Variants in TPH1 observed in about 807,000 individuals in gnomAD.
TPH1 encodes tryptophan hydroxylase 1.
A neutral mutation model predicts 49.5 loss-of-function variants in TPH1; 37 were observed. That is an observed-to-expected ratio of 0.75 (90% CI 0.58 to 0.98). The LOEUF is 0.98. Among genes scored for constraint, TPH1 ranks in the 50% least tolerant of loss-of-function variants. The pLI is 0.00. For synonymous variants in TPH1, 160 were observed against 182.1 expected (o/e 0.88, Z 0.98); for missense variants, 487 against 523.6 (o/e 0.93, Z 0.68).
chr11:18,036,112 A>G lies in TPH1; in HGVS notation c.148T>C (p.Ser50Pro). Residue 50 changes from serine (S) to proline (P), a missense_variant, in exon 3 of 11, where the codon TCC (serine) becomes CCC (proline). Ser to Pro is a moderately conservative substitution (Grantham distance 74). Transcript: ENST00000682019. ...EKHVNLLHIE[S>P]RKSKRRNSEF... ...GAGTTTCTTCTTTTTGATTTTCGGG[A>G]CTCGATATGTAACAGATTCACATGC... The G allele has an allele frequency of 6.2e-7, 1 of 1,613,256 alleles. No homozygotes were observed. Among genetic ancestry groups the G allele is most frequent in the Non-Finnish European group, 8.5e-7 (1 of 1,179,826 alleles).
At chr11:18,044,529 C>G (rs1247497842) in intron 1 of TPH1, among the ~76,000 whole-genome samples, 2 of 149,784 alleles carry the variant, frequency 1.3e-5, no homozygotes, top group African/African-American at 5.1e-5. Context: ...AAAATTCTCA[C>G]CCTCTTTTTT....
At chr11:18,036,796 A>G (rs987578829) in intron 2 of TPH1, among the ~76,000 whole-genome samples, 2 of 152,236 alleles carry the variant, frequency 1.3e-5, no homozygotes, top group African/African-American at 4.8e-5. Context: ...ATCTAAAACA[A>G]TGAGAAGGTT....
At chr11:18,035,406 T>TCTTG (rs924186294) in intron 3 of TPH1, among the ~76,000 whole-genome samples, 1 of 148,842 alleles carries the variant, frequency 6.7e-6, no homozygotes, top group African/African-American at 2.4e-5. Flanking sequence ...CTTTCTTTTT[T>TCTTG]CTTTCTTTCT....
At chr11:18,033,080 C>A (rs887227348) in intron 4 of TPH1, among the ~76,000 whole-genome samples, 194 bp downstream of exon 4, 2 of 152,016 alleles carry the variant, frequency 1.3e-5, no homozygotes, top group Non-Finnish European at 2.9e-5. Context: ...TGGTGAAACC[C>A]CATCTCTACT....
Position 18,019,677 on chromosome 11 carries a change from A to G in TPH1, c.*1314T>C, listed in dbSNP as rs1040282078. ...TGTATCTGGGTGACATTCCCCATGAAGAGATGGCAAAAAGAGTAGAAGTGC... is the reference window on the plus strand; with the variant it reads ...TGTATCTGGGTGACATTCCCCATGAGGAGATGGCAAAAAGAGTAGAAGTGC... On this transcript the variant is annotated 3_prime_UTR_variant, in exon 11 of 11. Transcript: ENST00000682019. 4.3e-6 allele frequency: 2 copies of G among 462,872 alleles called. No individual in the cohort carries two copies. The highest frequency in any genetic ancestry group is 4.0e-5 in the African/African-American group (2 of 50,444). 28.7% of individuals were successfully genotyped at this position (462,872 alleles called of 1,614,324 possible).
At chr11:18,044,190 G>A (rs779053711) in intron 1 of TPH1, among the ~76,000 whole-genome samples, 21 of 152,160 alleles carry the variant, frequency 1.4e-4, no homozygotes, top group Non-Finnish European at 2.9e-4. Context: ...TTAGGAGGCC[G>A]AGGCGGGCGA....
chr11:18,024,402 AC>A (rs2134025928), intron 8 of TPH1, among the ~76,000 whole-genome samples: 3 of 152,306 alleles, frequency 2.0e-5, no homozygotes, highest in African/African-American at 7.2e-5. Context: ...AATGTTATAA[AC>A]CTTTTTAATG....
At chr11:18,024,297 A>G (rs1854396297) in intron 8 of TPH1, among the ~76,000 whole-genome samples, 1 of 152,252 alleles carries the variant, frequency 6.6e-6, no homozygotes, top group African/African-American at 2.4e-5. Context: ...TCATTTTAAA[A>G]TTTAATAAAC....
intron 2 of TPH1, among the ~76,000 whole-genome samples, chr11:18,037,176 T>G (rs1478060390): frequency 6.6e-6 from 1 of 151,876 alleles, no homozygotes. Context: ...CTGGACCACA[T>G]AGCAAGACCC....
At chr11:18,040,907 C>A in intron 1 of TPH1, 119 bp from the exon 2 acceptor site, 1 of 948,986 alleles carries the variant, frequency 1.1e-6, no homozygotes, top group South Asian at 1.6e-5. Flanking sequence ...TTTATAAAAC[C>A]TGGATATGCA....
At position 18,019,612 on chromosome 11, in the gene TPH1, C is replaced by A. The variant is rs1343735756; in HGVS notation, c.*1379G>T. 4.4e-6 allele frequency: 2 copies of A among 456,472 alleles called. No homozygotes were observed. Among genetic ancestry groups the A allele is most frequent in the South Asian group, 3.1e-5 (2 of 64,428 alleles). The allele number at this position is 456,472 out of a possible 1,614,324, so 28.3% of individuals were successfully genotyped here. ...TTCAAGAAAGATGTCAGGGTTATAA[C>A]TGCAAATAGAGGAGTCATTCAAAAT... is the stretch of plus-strand genomic sequence containing the variant. On this transcript the variant is annotated 3_prime_UTR_variant, in exon 11 of 11. Transcript: ENST00000682019.
Position 18,019,434 on chromosome 11 carries a change from G to T in TPH1, c.*1557C>A. 3.1e-6 allele frequency: 1 copy of T among 325,988 alleles called. No homozygotes were observed. The highest frequency in any genetic ancestry group is 2.6e-5 in the South Asian group (1 of 38,912). 20.2% of individuals were successfully genotyped at this position (325,988 alleles called of 1,614,324 possible). A position where few individuals can be genotyped will look rare whatever the true frequency, so the allele number is the denominator to read the frequency against. ...TGATTCTGAGTTCCTTTATAGACCT[G>T]TTCAATTTGAGATGCTTGGCAGGGC... On this transcript the variant is annotated 3_prime_UTR_variant, in exon 11 of 11. Transcript: ENST00000682019.
At chr11:18,033,157 G>T in intron 4 of TPH1, 117 bp downstream of exon 4, 1 of 801,204 alleles carries the variant, frequency 1.2e-6, no homozygotes, top group Non-Finnish European at 2.2e-6. Flanking sequence ...GGAGGCTAAG[G>T]CAGGAGAATC....
intron 4 of TPH1, 73 bp from the exon 5 acceptor site, chr11:18,029,652 CATTATTACTAGAGCT>C: frequency 8.3e-7 from 1 of 1,210,694 alleles, no homozygotes; most frequent in East Asian, 2.3e-5. Flanking sequence ...GGAAACATTT[CATTATTACTAGAGCT>C]ATTATATTAA....
rs1186220752 is a variant in TPH1, at chr11:18,033,385, T to TAAAAG, written c.302-12_302-11insCTTTT. 6.5e-7 allele frequency: 1 copy of TAAAAG among 1,530,472 alleles called. No individual in the cohort carries two copies. Among genetic ancestry groups the TAAAAG allele is most frequent in the Non-Finnish European group, 9.0e-7 (1 of 1,105,940 alleles). 94.8% of individuals were successfully genotyped at this position (1,530,472 alleles called of 1,614,324 possible). A position where few individuals can be genotyped will look rare whatever the true frequency, so the allele number is the denominator to read the frequency against. On this transcript the variant is annotated splice_polypyrimidine_tract_variant and intron_variant, in intron 3 of 10. Transcript: ENST00000682019. ...GAACAGTTTCCATACCTGTAAAATT[T>TAAAAG]AAAATAAAATAAAATAAAAACCAGT... is the stretch of plus-strand genomic sequence containing the variant.
intron 1 of TPH1, among the ~76,000 whole-genome samples, chr11:18,044,396 C>A (rs1349203274): frequency 6.6e-6 from 1 of 151,978 alleles, no homozygotes; most frequent in African/African-American, 2.4e-5. Flanking sequence ...CACTCCAGCC[C>A]AGGTGACAGA....
intron 6 of TPH1, among the ~76,000 whole-genome samples, chr11:18,027,123 T>A (rs1847936518): frequency 6.6e-6 from 1 of 152,184 alleles, no homozygotes; most frequent in Non-Finnish European, 1.5e-5. Context: ...TGTAAAGTAG[T>A]CCCTTTCTTT....
Position 18,020,937 on chromosome 11 carries a change from G to T in TPH1, c.*54C>A. The T allele has an allele frequency of 6.4e-7, 1 of 1,572,704 alleles. No individual in the cohort carries two copies. The highest frequency in any genetic ancestry group is 8.8e-7 in the Non-Finnish European group (1 of 1,142,648). Reference sequence around the variant, plus strand: ...GATCAGGTGTTCAAGGAAAGCAAGAGATGGCCCAGACCTCCGAATTGATGC... The same window carrying T: ...GATCAGGTGTTCAAGGAAAGCAAGATATGGCCCAGACCTCCGAATTGATGC... On this transcript the variant is annotated 3_prime_UTR_variant, in exon 11 of 11. Transcript: ENST00000682019.
At chr11:18,022,555 ACT>A (rs1250915847) in intron 10 of TPH1, among the ~76,000 whole-genome samples, 2 of 152,146 alleles carry the variant, frequency 1.3e-5, no homozygotes, top group African/African-American at 2.4e-5. Context: ...AGACTACTAA[ACT>A]CTCTGACTGG....
Sources: allele counts gnomAD v4.1 joint callset (sites outside exome capture counted in the v4.1 genomes callset), GRCh38; gene constraint gnomAD v4.1.1; transcripts MANE v1.5; gene names NCBI Gene and HGNC (gene_info 2026-07-23, HGNC 2026-07-21).